The following CEP162 variants were observed in gnomAD, a reference collection of about 807,000 sequenced individuals.
CEP162 encodes centrosomal protein of 162 kDa.
Under a neutral mutation model 169.2 loss-of-function variants are expected in CEP162, and 141 were observed. The ratio of observed to expected loss-of-function variants is 0.83; its 90% CI spans 0.73 to 0.96. The LOEUF is 0.96. CEP162 is among the 40% of genes least tolerant of loss of function. The probability of loss-of-function intolerance (pLI) is 0.00; values close to 1 mark genes in which losing one functional copy is unlikely to be tolerated. For synonymous variants in CEP162, 540 were observed against 526.4 expected (o/e 1.03, Z -0.35); for missense variants, 1,600 against 1,587.2 (o/e 1.01, Z -0.14).
At position 84,155,403 on chromosome 6, in the gene CEP162, T is replaced by C; in HGVS notation, c.2889A>G (p.Glu963=). Residue 963 remains glutamate (E), a synonymous_variant, in exon 22 of 27, where the codon GAA becomes GAG. Transcript: ENST00000403245. The part of the protein sequence containing the change: ...AGDTVDKNTV[E]FMEKRIKKLE... The stretch of plus-strand genomic sequence containing the variant: ...GCTTTTTTATCCTTTTCTCCATAAA[T>C]TCCACTGTATTTTTATCCACTGTAT... 2 of 1,613,612 alleles carry C rather than the reference T, an allele frequency of 1.2e-6. No individual in the cohort carries two copies. The highest frequency in any genetic ancestry group is 1.7e-6 in the Non-Finnish European group (2 of 1,179,652).
intron 18 of CEP162, among the ~76,000 whole-genome samples, chr6:84,163,740 C>T (rs2099526664): frequency 2.0e-5 from 3 of 151,730 alleles, no homozygotes; most frequent in Admixed American, 6.6e-5. Context: ...CCAAGGTGGG[C>T]GGATCACTTG....
At chr6:84,143,215 T>C (rs1488032063) in intron 25 of CEP162, among the ~76,000 whole-genome samples, 1 of 152,062 alleles carries the variant, frequency 6.6e-6, no homozygotes, top group Non-Finnish European at 1.5e-5. Flanking sequence ...TTATCTACCT[T>C]GGCTTCTTAA....
intron 2 of CEP162, 123 bp downstream of exon 2, chr6:84,226,214 C>A: frequency 1.5e-6 from 1 of 686,046 alleles, no homozygotes; most frequent in Admixed American, 2.2e-5. Context: ...AGGGACAGGG[C>A]TAGAGGGATG....
chr6:84,215,441 TG>T lies in CEP162; in HGVS notation c.343del (p.His115IlefsTer11). On this transcript the variant is annotated frameshift_variant, in exon 5 of 27. Coordinates refer to ENST00000403245, the MANE Select transcript of CEP162 (RefSeq NM_014895.4). LOFTEE classifies it high-confidence loss of function. ...TNELVVSELN[H>X]SSLGVGLDTL... ...GTCCAATCCCACTCCGAGACTACTA[TG>T]GTTGAGCTCAGAAACTACTAGTTCT... is the stretch of plus-strand genomic sequence containing the variant. The T allele has an allele frequency of 6.3e-7, 1 of 1,599,818 alleles. No homozygotes were observed. The highest frequency in any genetic ancestry group is 2.2e-5 in the East Asian group (1 of 44,484).
Position 84,125,191 on chromosome 6 carries a change from C to T in CEP162, c.4091G>A (p.Arg1364His), listed in dbSNP as rs144811188. 1.9e-4 allele frequency: 309 copies of T among 1,613,642 alleles called. 6 individuals are homozygous for T. The South Asian group carries it at 2.6e-3, about 13-fold the overall frequency. ...TTCTGTGCGGAACTTCTCCAGCTCA[C>T]GATTCTTTAACTGTGCCAGTCTTTT... ...KWKRLAQLKN[R>H]ELEKFRTELD... is the part of the protein sequence containing the mutation. Residue 1364 changes from arginine (R) to histidine (H), a missense_variant, in exon 27 of 27, where the codon CGT becomes CAT. Coordinates refer to ENST00000403245, the MANE Select transcript of CEP162 (RefSeq NM_014895.4).
In CEP162 at chr6:84,174,697, A is replaced by T. The variant is rs751767075; in HGVS notation, c.2025+30T>A. The T allele has an allele frequency of 2.2e-5, 23 of 1,050,040 alleles. No homozygotes were observed. In the South Asian group the frequency reaches 3.5e-4, roughly 16 times the overall value. The allele number at this position is 1,050,040 out of a possible 1,614,324, so 65.0% of individuals were successfully genotyped here. A position where few individuals can be genotyped will look rare whatever the true frequency, so the allele number is the denominator to read the frequency against. On this transcript the variant is annotated intron_variant, in intron 15 of 26. Coordinates refer to ENST00000403245, the MANE Select transcript of CEP162 (RefSeq NM_014895.4). ...AGCTTTTTTTTTTTTTAATAAATAT[A>T]AAAAAATACCAGAACAATGTATCTA...
chr6:84,219,057 C>G (rs2099552636), intron 3 of CEP162: 1 of 600,478 alleles, frequency 1.7e-6, no homozygotes, highest in Admixed American at 4.3e-5. Flanking sequence ...GGGAAACAAG[C>G]AAAATTATAA....
At chr6:84,172,875 G>A (rs564233273) in intron 16 of CEP162, among the ~76,000 whole-genome samples, 33 of 152,200 alleles carry the variant, frequency 2.2e-4, no homozygotes, top group African/African-American at 6.0e-4. Context: ...AAAGGGTGTG[G>A]GAGGCACAGA....
rs1419683778 is a variant in CEP162, at chr6:84,152,653, T to C, written c.3521A>G (p.Gln1174Arg). Residue 1174 changes from glutamine (Q) to arginine (R), a missense_variant, in exon 23 of 27, where the codon CAA (glutamine) becomes CGA (arginine). Gln to Arg is a conservative substitution (Grantham distance 43). Transcript: ENST00000403245. ...FTDSHVSEVLQENYRLKNELE... is the reference protein window; with the variant it reads ...FTDSHVSEVLRENYRLKNELE... ...CTCATTTTTTAATCTGTAGTTTTCT[T>C]GTAAAACTTCTGAAACATGGGAATC... 4.4e-6 allele frequency: 7 copies of C among 1,606,892 alleles called. No homozygotes were observed. Among genetic ancestry groups the C allele is most frequent in the South Asian group, 3.3e-5 (3 of 89,754 alleles).
At position 84,185,443 on chromosome 6, in the gene CEP162, G is replaced by C. The variant is rs751085657; in HGVS notation, c.1407C>G (p.Tyr469Ter). ...LSQDDKINKT[Y>*]RSQLSSEEEG... ...CTTCTTCAGAACTAAGTTGAGATCT[G>C]TAAGTCTGTACACAACAAACAAAAG... Residue 469 changes from tyrosine to a stop codon, truncating the protein, a stop_gained, in exon 13 of 27, where the codon TAC becomes TAG. Transcript: ENST00000403245. LOFTEE classifies it high-confidence loss of function. 1.2e-6 allele frequency: 2 copies of C among 1,612,744 alleles called. No homozygotes were observed. The highest frequency in any genetic ancestry group is 1.7e-6 in the Non-Finnish European group (2 of 1,179,044).
chr6:84,133,271 A>G (rs1447465000), intron 25 of CEP162, among the ~76,000 whole-genome samples: 1 of 152,234 alleles, frequency 6.6e-6, no homozygotes, highest in East Asian at 1.9e-4. Context: ...GTTGGCCCCT[A>G]TTGGGAGGTG....
intron 7 of CEP162, 54 bp from the exon 8 acceptor site, chr6:84,201,821 T>C (rs1215353225): frequency 2.2e-6 from 2 of 900,100 alleles, no homozygotes; most frequent in Admixed American, 2.7e-5. Context: ...TTATGTAAAA[T>C]TACCACAATG....
At chr6:84,180,394 A>C (rs1345396078) in intron 13 of CEP162, among the ~76,000 whole-genome samples, 2 of 152,160 alleles carry the variant, frequency 1.3e-5, no homozygotes, top group East Asian at 3.9e-4. Context: ...TATCATACTG[A>C]ATGGGCAAAA....
At chr6:84,222,503 T>C (rs569429307) in intron 2 of CEP162, among the ~76,000 whole-genome samples, 1 of 127,786 alleles carries the variant, frequency 7.8e-6, no homozygotes, top group South Asian at 2.5e-4. Flanking sequence ...ATTTACTACA[T>C]GCCTGCTCTA....
At chr6:84,188,738 T>C (rs148534520) in intron 11 of CEP162, among the ~76,000 whole-genome samples, 48 of 152,312 alleles carry the variant, frequency 3.2e-4, no homozygotes, top group African/African-American at 1.1e-3. Context: ...ATATTCCTTT[T>C]GGTATATATC....
chr6:84,159,129 TA>T (rs1456912401), intron 21 of CEP162, among the ~76,000 whole-genome samples: 3 of 151,634 alleles, frequency 2.0e-5, no homozygotes, highest in Non-Finnish European at 4.4e-5. Context: ...ATACCTTGAT[TA>T]AAAAATATGT....
chr6:84,133,571 C>G (rs1561996808), intron 25 of CEP162, among the ~76,000 whole-genome samples: 1 of 152,158 alleles, frequency 6.6e-6, no homozygotes, highest in Non-Finnish European at 1.5e-5. Flanking sequence ...ACGGCGGATG[C>G]CCCTCCCCCA....
At chr6:84,131,295 T>TA (rs2099511312) in intron 25 of CEP162, among the ~76,000 whole-genome samples, 1 of 152,196 alleles carries the variant, frequency 6.6e-6, no homozygotes, top group Non-Finnish European at 1.5e-5. Flanking sequence ...AATTTTAAAA[T>TA]AAGTGTGATG....
intron 19 of CEP162, among the ~76,000 whole-genome samples, chr6:84,162,461 T>C (rs1365332501): frequency 6.6e-6 from 1 of 152,142 alleles, no homozygotes; most frequent in African/African-American, 2.4e-5. Flanking sequence ...ACACTGAAGC[T>C]CATAATACTG....
Sources: allele counts gnomAD v4.1 joint callset (sites outside exome capture counted in the v4.1 genomes callset), GRCh38; gene constraint gnomAD v4.1.1; transcripts MANE v1.5; gene names NCBI Gene and HGNC (gene_info 2026-07-23, HGNC 2026-07-21).